MIR2052HG: variants seen among roughly 807,000 people sequenced by gnomAD.
The protein encoded by MIR2052HG is MIR2052 host gene.
intron 2 of MIR2052HG, among the ~76,000 whole-genome samples, chr8:74,643,875 G>A (rs927019679): frequency 1.1e-4 from 17 of 151,908 alleles, no homozygotes; most frequent in African/African-American, 3.9e-4. Flanking sequence ...TAACAGAAAA[G>A]CCCTTTTAAA....
intron 5 of MIR2052HG, among the ~76,000 whole-genome samples, chr8:74,755,043 G>T (rs1809985341): frequency 6.6e-6 from 1 of 152,106 alleles, no homozygotes; most frequent in Admixed American, 6.6e-5. Context: ...GTCGTCCAGG[G>T]GACCCACAGC....
intron 2 of MIR2052HG, among the ~76,000 whole-genome samples, chr8:74,637,373 G>T (rs571995341): frequency 1.3e-5 from 2 of 151,982 alleles, no homozygotes; most frequent in Non-Finnish European, 2.9e-5. Context: ...CAGGAATTTT[G>T]TGAGAGATGG....
At chr8:74,602,706 G>A (rs777042576) in intron 1 of MIR2052HG, among the ~76,000 whole-genome samples, 5 of 151,124 alleles carry the variant, frequency 3.3e-5, no homozygotes, top group African/African-American at 9.7e-5. Context: ...AAGCAGAGAC[G>A]GAGTTTCACC....
chr8:74,739,483 T>C (rs1809804328), intron 4 of MIR2052HG, among the ~76,000 whole-genome samples: 1 of 152,200 alleles, frequency 6.6e-6, no homozygotes, highest in Non-Finnish European at 1.5e-5. Flanking sequence ...ACTTATAAAA[T>C]TACATTTGCT....
chr8:74,644,525 T>C (rs553795123), intron 2 of MIR2052HG, among the ~76,000 whole-genome samples: 2 of 152,180 alleles, frequency 1.3e-5, no homozygotes, highest in African/African-American at 4.8e-5. Context: ...TCAGAAAATA[T>C]CCGTTTCGTT....
chr8:74,616,487 T>C (rs1361833655), intron 2 of MIR2052HG, among the ~76,000 whole-genome samples: 1 of 151,542 alleles, frequency 6.6e-6, no homozygotes, highest in African/African-American at 2.4e-5. Context: ...ATTTTATGCT[T>C]AATACCATGT....
intron 2 of MIR2052HG, among the ~76,000 whole-genome samples, chr8:74,689,067 A>G (rs1226148734): frequency 6.6e-6 from 1 of 152,154 alleles, no homozygotes; most frequent in East Asian, 1.9e-4. Flanking sequence ...TTTTCCTTGA[A>G]TTACTGATTT....
At chr8:74,742,101 A>G (rs1189769939) in intron 4 of MIR2052HG, among the ~76,000 whole-genome samples, 1 of 152,154 alleles carries the variant, frequency 6.6e-6, no homozygotes, top group East Asian at 1.9e-4. Flanking sequence ...ACTGTACGTA[A>G]TTTAGAAACC....
At chr8:74,667,718 C>G (rs1306733538) in intron 2 of MIR2052HG, among the ~76,000 whole-genome samples, 2 of 152,084 alleles carry the variant, frequency 1.3e-5, no homozygotes, top group Non-Finnish European at 2.9e-5. Flanking sequence ...GTGTTTATTA[C>G]TGAGTACCAA....
intron 2 of MIR2052HG, chr8:74,632,406 GA>G (rs1808524225): frequency 6.6e-6 from 1 of 152,064 alleles, no homozygotes; most frequent in African/African-American, 2.4e-5. Flanking sequence ...TCTTTCAGGG[GA>G]GAGCCTGCTT....
intron 2 of MIR2052HG, among the ~76,000 whole-genome samples, chr8:74,613,637 C>G (rs954690307): frequency 3.9e-5 from 6 of 152,156 alleles, no homozygotes; most frequent in Non-Finnish European, 7.3e-5. Flanking sequence ...AGGCACCCAC[C>G]ACCACGCCCG....
intron 4 of MIR2052HG, among the ~76,000 whole-genome samples, chr8:74,746,686 A>T (rs1249468021): frequency 6.6e-6 from 1 of 151,814 alleles, no homozygotes; most frequent in African/African-American, 2.4e-5. Context: ...GGGGTAGAGG[A>T]TAGAGTGGAG....
chr8:74,720,463 G>A (rs1246796690), intron 4 of MIR2052HG, among the ~76,000 whole-genome samples: 1 of 151,916 alleles, frequency 6.6e-6, no homozygotes, highest in Non-Finnish European at 1.5e-5. Context: ...TTAATATAGT[G>A]GTAAATATAC....
chr8:74,686,118 A>G (rs1186062948), intron 2 of MIR2052HG, among the ~76,000 whole-genome samples: 1 of 151,862 alleles, frequency 6.6e-6, no homozygotes, highest in African/African-American at 2.4e-5. Context: ...TTCTTCAAAA[A>G]AAATTCAACT....
chr8:74,740,889 CT>C (rs10710688), intron 4 of MIR2052HG, among the ~76,000 whole-genome samples: 7,526 of 152,236 alleles, frequency 0.049, 439 homozygotes, highest in African/African-American at 0.14. Context: ...CTCTCTACCC[CT>C]GGGTTATGAT....
intron 2 of MIR2052HG, among the ~76,000 whole-genome samples, chr8:74,665,913 T>C (rs944530002): frequency 2.6e-5 from 4 of 152,186 alleles, no homozygotes; most frequent in African/African-American, 9.6e-5. Flanking sequence ...TCTTGCCTGC[T>C]GCCATGTAAG....
chr8:74,727,227 T>C (rs1410719291), intron 4 of MIR2052HG, among the ~76,000 whole-genome samples: 2 of 152,208 alleles, frequency 1.3e-5, no homozygotes, highest in African/African-American at 4.8e-5. Context: ...AGCATATCCT[T>C]GTACTGTTTG....
chr8:74,744,420 A>G (rs1326539085), intron 4 of MIR2052HG, among the ~76,000 whole-genome samples: 2 of 152,076 alleles, frequency 1.3e-5, no homozygotes, highest in East Asian at 3.9e-4. Flanking sequence ...GGTGTGCTGC[A>G]CCCACTAACT....
At chr8:74,717,147 C>T (rs185600866) in intron 4 of MIR2052HG, among the ~76,000 whole-genome samples, 258 of 152,124 alleles carry the variant, frequency 1.7e-3, no homozygotes, top group African/African-American at 6.0e-3. Flanking sequence ...TCCTAATGCT[C>T]TCCCTCCCCT....
Sources: gnomAD v4.1 joint callset for allele counts (sites outside exome capture counted in the v4.1 genomes callset) on GRCh38, gnomAD v4.1.1 for gene constraint, MANE v1.5 for transcripts, NCBI Gene and HGNC (gene_info 2026-07-23, HGNC 2026-07-21) for gene names.